The following C10orf143 variants were observed in gnomAD, a reference collection of about 807,000 sequenced individuals.
C10orf143 encodes the protein chromosome 10 open reading frame 143.
intron 1 of C10orf143, among the ~76,000 whole-genome samples, chr10:130,105,198 G>A (rs912626712): frequency 6.6e-6 from 1 of 152,158 alleles, no homozygotes; most frequent in African/African-American, 2.4e-5. Context: ...ACAGTGCTGG[G>A]ATAACAAGCA....
intron 3 of C10orf143, among the ~76,000 whole-genome samples, chr10:130,040,269 G>C (rs1047581630): frequency 1.3e-5 from 2 of 152,178 alleles, no homozygotes; most frequent in Non-Finnish European, 2.9e-5. Context: ...AGTCCAGAAA[G>C]AGCACCGAGG....
chr10:130,079,241 A>G (rs1280756155), intron 3 of C10orf143, among the ~76,000 whole-genome samples: 2 of 152,264 alleles, frequency 1.3e-5, no homozygotes, highest in Non-Finnish European at 2.9e-5. Context: ...TGGAAAATTA[A>G]ATGAGAAAGA....
intron 1 of C10orf143, among the ~76,000 whole-genome samples, chr10:130,110,323 C>G (rs1373449327): frequency 6.6e-6 from 1 of 152,276 alleles, no homozygotes; most frequent in South Asian, 2.1e-4. Context: ...GCTCAGTGAA[C>G]GAGACTCAGG....
Position 130,087,685 on chromosome 10 carries a change from T to C in C10orf143, c.70-7784A>G, listed in dbSNP as rs186667437. ...TATAAGGGATAGGGGGTTGAAGACC[T>C]AACAGTTTGCCAGAGATGAGATTCA... On this transcript the variant is annotated intron_variant, in intron 1 of 3. Coordinates refer to ENST00000637128, the MANE Select transcript of C10orf143 (RefSeq NM_001355042.2). Among the ~76,000 whole-genome samples the C allele has an allele frequency of 5.3e-4, 81 of 152,298 alleles. 2 individuals carry two copies. Among genetic ancestry groups the C allele is most frequent in the Admixed American group, 4.8e-3 (73 of 15,298 alleles).
chr10:130,075,346 T>C (rs1466375363), intron 3 of C10orf143, among the ~76,000 whole-genome samples: 2 of 152,170 alleles, frequency 1.3e-5, no homozygotes, highest in East Asian at 3.9e-4. Context: ...TCATGTGGCT[T>C]ATCACCAGGA....
downstream of C10orf143, among the ~76,000 whole-genome samples, chr10:130,059,758 AG>A (rs2134740288): frequency 6.6e-6 from 1 of 152,304 alleles, no homozygotes; most frequent in South Asian, 2.1e-4. Flanking sequence ...CCTTGCATAG[AG>A]AGAGATACTT....
chr10:130,080,582 G>C (rs894798703), intron 1 of C10orf143, among the ~76,000 whole-genome samples: 42 of 152,276 alleles, frequency 2.8e-4, no homozygotes, highest in African/African-American at 9.1e-4. Flanking sequence ...CAGTCATGGA[G>C]GCCACCCTGG....
chr10:130,055,367 T>A (rs1436026298), intron 3 of C10orf143, among the ~76,000 whole-genome samples: 1 of 152,066 alleles, frequency 6.6e-6, no homozygotes, highest in Non-Finnish European at 1.5e-5. Flanking sequence ...TGATAAAAGG[T>A]CAATTACCAA....
chr10:130,048,994 C>A (rs1008325389), intron 3 of C10orf143, among the ~76,000 whole-genome samples: 2 of 152,172 alleles, frequency 1.3e-5, no homozygotes, highest in Non-Finnish European at 2.9e-5. Context: ...TGTGAGCCAC[C>A]GTGCCCAGCT....
intron 1 of C10orf143, among the ~76,000 whole-genome samples, chr10:130,101,954 A>G (rs1861564858): frequency 6.6e-6 from 1 of 151,858 alleles, no homozygotes; most frequent in Non-Finnish European, 1.5e-5. Context: ...AATGTTTAAA[A>G]AAAATTCCTT....
At chr10:130,086,745 C>T (rs1417780013) in intron 1 of C10orf143, among the ~76,000 whole-genome samples, 1 of 152,240 alleles carries the variant, frequency 6.6e-6, no homozygotes, top group Non-Finnish European at 1.5e-5. Flanking sequence ...TATTTCCCTT[C>T]CTCTTTTCTC....
At chr10:130,104,891 A>G (rs1861615179) in intron 1 of C10orf143, 1 of 152,122 alleles carries the variant, frequency 6.6e-6, no homozygotes, top group Non-Finnish European at 1.5e-5. Context: ...ATGATAGCCA[A>G]TTTAGGACTT....
intron 3 of C10orf143, among the ~76,000 whole-genome samples, chr10:130,058,308 A>C (rs1410893047): frequency 1.3e-5 from 2 of 152,152 alleles, no homozygotes; most frequent in African/African-American, 4.8e-5. Context: ...CCAGCATCTG[A>C]CTGTGGACAA....
intron 1 of C10orf143, among the ~76,000 whole-genome samples, chr10:130,094,334 C>G (rs1422077901): frequency 6.6e-6 from 1 of 152,144 alleles, no homozygotes; most frequent in Non-Finnish European, 1.5e-5. Flanking sequence ...TGAAACTATT[C>G]CAAACAACAG....
intron 3 of C10orf143, among the ~76,000 whole-genome samples, chr10:130,044,026 A>G (rs1860637553): frequency 6.6e-6 from 1 of 151,944 alleles, no homozygotes; most frequent in South Asian, 2.1e-4. Context: ...AGAAAGAGAG[A>G]GAGGGAGAGG....
intron 1 of C10orf143, among the ~76,000 whole-genome samples, chr10:130,096,221 G>A (rs1055424058): frequency 6.6e-6 from 1 of 152,118 alleles, no homozygotes. Context: ...TTAGAGAGAT[G>A]CAAACCAAAC....
At chr10:130,101,849 C>CAA (rs1413239919) in intron 1 of C10orf143, among the ~76,000 whole-genome samples, 17 of 26,936 alleles carry the variant, frequency 6.3e-4, no homozygotes, top group Middle Eastern at 0.091. Flanking sequence ...GACTCTGTCT[C>CAA]AAAAAAAAAA....
In C10orf143 at chr10:130,106,872, A is replaced by T. The variant is rs762972704; in HGVS notation, c.69+3832T>A. On this transcript the variant is annotated intron_variant, in intron 1 of 3. Coordinates refer to ENST00000637128, the MANE Select transcript of C10orf143 (RefSeq NM_001355042.2). ...ACTGAACATTTGCTAAAGATGAAAG[A>T]TTGGGCTGCTAGGCTTAGAGAAGAC... 4 of 1,104,350 alleles carry T rather than the reference A, an allele frequency of 3.6e-6. No homozygotes were observed. The East Asian group carries it at 9.4e-5, about 26-fold the overall frequency. 68.4% of individuals were successfully genotyped at this position (1,104,350 alleles called of 1,614,324 possible). A position where few individuals can be genotyped will look rare whatever the true frequency, so the allele number is the denominator to read the frequency against.
At chr10:130,036,045 C>T (rs1860541442) in intron 3 of C10orf143, 1 of 152,194 alleles carries the variant, frequency 6.6e-6, no homozygotes, top group South Asian at 2.1e-4. Flanking sequence ...ATATCTGGGC[C>T]CCATCCTTAG....
Sources: gnomAD v4.1 joint callset for allele counts (sites outside exome capture counted in the v4.1 genomes callset) on GRCh38, gnomAD v4.1.1 for gene constraint, MANE v1.5 for transcripts, NCBI Gene and HGNC (gene_info 2026-07-23, HGNC 2026-07-21) for gene names.